TYW1: variants seen among roughly 807,000 people sequenced by gnomAD.
The protein encoded by TYW1 is tRNA-yW synthesizing protein 1 homolog.
A neutral mutation model predicts 96.2 loss-of-function variants in TYW1; 46 were observed. The observed-to-expected ratio is 0.48, with a 90% CI of 0.38 to 0.61. The LOEUF (loss-of-function observed/expected upper bound fraction) is 0.61, where lower values mean the gene tolerates loss of function less well. Ranked by LOEUF, TYW1 falls within the 20% of genes least tolerant of loss-of-function variation. The pLI is 0.00. For missense variants in TYW1, 684 were observed against 909.6 expected, an observed-to-expected ratio of 0.75 and a Z score of 3.19; for synonymous variants, 274 against 323.0, an observed-to-expected ratio of 0.85 and a Z score of 1.63.
intron 15 of TYW1, among the ~76,000 whole-genome samples, chr7:67,200,598 C>G (rs1800563220): frequency 6.6e-6 from 1 of 152,180 alleles, no homozygotes; most frequent in South Asian, 2.1e-4. Context: ...ATTACGGGAA[C>G]TGCCATTCAA....
chr7:67,117,450 T>C, intron 12 of TYW1, 33 bp from the exon 13 acceptor site: 6 of 1,588,348 alleles, frequency 3.8e-6, no homozygotes, highest in Non-Finnish European at 5.1e-6. Flanking sequence ...AGGAATAATT[T>C]TTCTTTCTTC....
chr7:67,154,444 TC>T (rs1266194451), intron 13 of TYW1, among the ~76,000 whole-genome samples: 1 of 150,096 alleles, frequency 6.7e-6, no homozygotes, highest in Non-Finnish European at 1.5e-5. Context: ...TATTTCTCCT[TC>T]ATTTCTGAAG....
At position 67,014,533 on chromosome 7, in the gene TYW1, A is replaced by G. The variant is rs779435904; in HGVS notation, c.542A>G (p.Asn181Ser). 1.1e-5 allele frequency: 18 copies of G among 1,613,304 alleles called. No homozygotes were observed. The highest frequency in any genetic ancestry group is 7.6e-6 in the Non-Finnish European group (9 of 1,179,652). ...GMRYAVFGLG[N>S]SAYASHFNKV... The stretch of plus-strand genomic sequence containing the variant: ...AGATATGCGGTATTTGGCCTGGGAA[A>G]TTCTGCCTATGCTAGCCACTTCAAC... Residue 181 changes from asparagine (N) to serine (S), a missense_variant, in exon 5 of 16, where the codon AAT becomes AGT. Physicochemically the swap from Asn to Ser is conservative, Grantham distance 46. Coordinates refer to ENST00000359626, the MANE Select transcript of TYW1 (RefSeq NM_018264.4).
chr7:67,082,583 G>T (rs1432203811), intron 10 of TYW1, among the ~76,000 whole-genome samples: 2 of 152,086 alleles, frequency 1.3e-5, no homozygotes, highest in Admixed American at 6.6e-5. Flanking sequence ...CTGGTTTCTG[G>T]GCAGAATGGT....
At chr7:67,172,779 T>G (rs1799555216) in intron 13 of TYW1, among the ~76,000 whole-genome samples, 1 of 152,116 alleles carries the variant, frequency 6.6e-6, no homozygotes, top group African/African-American at 2.4e-5. Flanking sequence ...CCACAGATTT[T>G]CTCTTCAGTC....
chr7:67,188,149 G>A lies in TYW1; in HGVS notation c.1809+4913G>A, dbSNP rs545715054. Among the ~76,000 whole-genome samples the A allele has an allele frequency of 3.9e-5, 6 of 152,180 alleles. No homozygotes were observed. In the South Asian group the frequency reaches 1.2e-3, roughly 32 times the overall value. On this transcript the variant is annotated intron_variant, in intron 14 of 15. Transcript: ENST00000359626. ...CAGCCTGGCCACATGGTGAAACCCT[G>A]TCTCTACTAAAAATACAAAAATTAG...
chr7:67,180,258 T>G (rs1238595554), intron 13 of TYW1, among the ~76,000 whole-genome samples: 1 of 130,596 alleles, frequency 7.7e-6, no homozygotes. Flanking sequence ...AGATTCCACA[T>G]GCTAAATGCT....
At chr7:67,060,607 C>T (rs893057825) in intron 9 of TYW1, among the ~76,000 whole-genome samples, 5 of 152,202 alleles carry the variant, frequency 3.3e-5, no homozygotes, top group African/African-American at 1.2e-4. Flanking sequence ...ATATTAGAAA[C>T]AGCACAGACA....
rs962604106 is a variant in TYW1 at position 67,199,227 on chromosome 7, T to G, written c.1977+3890T>G. ...AAAAATAAATAAATAAAAGAAATGG[T>G]TTTTGTTTTATATTTGCCTGATTTT... is the stretch of plus-strand genomic sequence containing the variant. On this transcript the variant is annotated intron_variant, in intron 15 of 15. Coordinates refer to ENST00000359626, the MANE Select transcript of TYW1 (RefSeq NM_018264.4). Among the ~76,000 whole-genome samples, 3 of 151,940 alleles carry G rather than the reference T, an allele frequency of 2.0e-5. No individual in the cohort carries two copies. In the East Asian group the frequency reaches 5.8e-4, roughly 29 times the overall value.
intron 13 of TYW1, among the ~76,000 whole-genome samples, chr7:67,143,372 A>G (rs1208688060): frequency 6.6e-6 from 1 of 152,236 alleles, no homozygotes; most frequent in Non-Finnish European, 1.5e-5. Flanking sequence ...AAGAAGTGAT[A>G]GCGGAACTGA....
At chr7:67,185,729 G>A (rs2844124) in intron 14 of TYW1, among the ~76,000 whole-genome samples, 42,739 of 151,488 alleles carry the variant, frequency 0.28, 6,414 homozygotes, top group African/African-American at 0.41. Flanking sequence ...AGTTTCAGGG[G>A]TAAGATAGGG....
chr7:67,000,879 A>G (rs1015971488), intron 3 of TYW1, among the ~76,000 whole-genome samples: 1 of 152,176 alleles, frequency 6.6e-6, no homozygotes, highest in African/African-American at 2.4e-5. Flanking sequence ...AGTTGCGCAG[A>G]ATAGTACTTC....
At chr7:67,119,233 G>A (rs976481572) in intron 13 of TYW1, among the ~76,000 whole-genome samples, 6 of 151,964 alleles carry the variant, frequency 3.9e-5, no homozygotes, top group African/African-American at 1.2e-4. Flanking sequence ...AAAAATGACA[G>A]TTTCCTGGTC....
At chr7:67,096,138 C>T (rs572207968) in intron 11 of TYW1, among the ~76,000 whole-genome samples, 14 of 152,258 alleles carry the variant, frequency 9.2e-5, no homozygotes, top group Non-Finnish European at 2.1e-4. Context: ...GCCTGTAATC[C>T]CAGCACTTTG....
chr7:67,148,111 G>A (rs1798664090), intron 13 of TYW1, among the ~76,000 whole-genome samples: 1 of 151,736 alleles, frequency 6.6e-6, no homozygotes, highest in African/African-American at 2.4e-5. Flanking sequence ...AGGCTTTGGG[G>A]TTTGTGGGGG....
chr7:67,115,140 T>C (rs1257316637), intron 12 of TYW1, among the ~76,000 whole-genome samples: 1 of 152,056 alleles, frequency 6.6e-6, no homozygotes, highest in Non-Finnish European at 1.5e-5. Flanking sequence ...GGAAGCATAC[T>C]GAAAAGGTCA....
At chr7:67,005,212 C>T (rs1035073088) in intron 3 of TYW1, among the ~76,000 whole-genome samples, 1 of 152,138 alleles carries the variant, frequency 6.6e-6, no homozygotes, top group African/African-American at 2.4e-5. Flanking sequence ...TCTTTCATTT[C>T]GACTGGAGAA....
intron 13 of TYW1, among the ~76,000 whole-genome samples, chr7:67,159,800 T>TTTTA (rs1799101755): frequency 1.8e-5 from 1 of 55,034 alleles, no homozygotes; most frequent in Non-Finnish European, 3.3e-5. Context: ...TTTTATTTTA[T>TTTTA]TTATTTATTT....
intron 15 of TYW1, among the ~76,000 whole-genome samples, chr7:67,200,406 T>C (rs1445663524): frequency 2.0e-5 from 3 of 151,978 alleles, no homozygotes; most frequent in African/African-American, 7.3e-5. Context: ...GGCCTCACAA[T>C]AATGGTGGAA....
Sources: allele counts gnomAD v4.1 joint callset (sites outside exome capture counted in the v4.1 genomes callset), GRCh38; gene constraint gnomAD v4.1.1; transcripts MANE v1.5; gene names NCBI Gene and HGNC (gene_info 2026-07-23, HGNC 2026-07-21).